The following PDE3B variants were observed in gnomAD, a reference collection of about 807,000 sequenced individuals.
PDE3B encodes phosphodiesterase 3B.
Under a neutral mutation model 116.8 loss-of-function variants are expected in PDE3B, and 66 were observed. The observed-to-expected ratio is 0.56, with a 90% CI of 0.46 to 0.69. The LOEUF is 0.69. PDE3B is among the 30% of genes least tolerant of loss of function. The pLI, the probability that PDE3B is intolerant of heterozygous loss-of-function variation, is 0.00. For synonymous variants in PDE3B, 595 were observed against 533.6 expected, an observed-to-expected ratio of 1.12 and a Z score of -1.59; for missense variants, 1,384 against 1,368.1, an observed-to-expected ratio of 1.01 and a Z score of -0.18.
rs1383510919 is a variant in PDE3B at position 14,644,140 on chromosome 11, C to T, written c.65C>T (p.Ser22Leu). 1.9e-6 allele frequency: 3 copies of T among 1,587,994 alleles called. No individual in the cohort carries two copies. The highest frequency in any genetic ancestry group is 2.6e-6 in the Non-Finnish European group (3 of 1,175,316). The change falls in exon 1 of 16, where the codon TCG (serine) becomes TTG (leucine). Residue 22 changes from serine to leucine, a missense_variant. Ser to Leu is a moderately radical substitution (Grantham distance 145, BLOSUM62 -2). Coordinates refer to ENST00000282096, the MANE Select transcript of PDE3B (RefSeq NM_000922.4). ...RSLQPPDGAG[S>L]PPESLRNGYV... ...CTGCAGCCGCCGGATGGGGCCGGCT[C>T]GCCCCCCGAGAGTCTGAGGAACGGC...
chr11:14,745,550 G>A (rs1235922617), intron 1 of PDE3B, among the ~76,000 whole-genome samples: 1 of 152,034 alleles, frequency 6.6e-6, no homozygotes, highest in African/African-American at 2.4e-5. Flanking sequence ...TAGAAGTATT[G>A]ATTTCTGCTC....
At chr11:14,780,319 T>A (rs1192741622) in intron 2 of PDE3B, among the ~76,000 whole-genome samples, 1 of 152,184 alleles carries the variant, frequency 6.6e-6, no homozygotes. Flanking sequence ...GCGAACCTAA[T>A]AGACATCTAC....
intron 12 of PDE3B, among the ~76,000 whole-genome samples, chr11:14,854,839 A>G (rs1335982827): frequency 9.9e-5 from 15 of 152,210 alleles, no homozygotes; most frequent in African/African-American, 3.6e-4. Context: ...CTATATACAC[A>G]GAAAACCAAG....
intron 1 of PDE3B, among the ~76,000 whole-genome samples, chr11:14,722,174 G>T (rs1004378871): frequency 6.6e-6 from 1 of 151,020 alleles, no homozygotes; most frequent in Admixed American, 6.6e-5. Flanking sequence ...TAGGGGGACG[G>T]GGGAGGGAAT....
chr11:14,782,873 GC>G (rs1415189925), intron 2 of PDE3B, among the ~76,000 whole-genome samples: 1 of 152,120 alleles, frequency 6.6e-6, no homozygotes, highest in Non-Finnish European at 1.5e-5. Flanking sequence ...TGACAAAAGG[GC>G]TAATATCCAG....
intron 1 of PDE3B, among the ~76,000 whole-genome samples, chr11:14,722,442 C>T (rs569318318): frequency 1.3e-4 from 20 of 152,152 alleles, no homozygotes; most frequent in Non-Finnish European, 2.5e-4. Context: ...TGTAATGAGA[C>T]ATGCCATTGA....
At chr11:14,657,096 C>A (rs1853736286) in intron 1 of PDE3B, among the ~76,000 whole-genome samples, 1 of 152,126 alleles carries the variant, frequency 6.6e-6, no homozygotes, top group African/African-American at 2.4e-5. Flanking sequence ...CTTTGGTCTT[C>A]CAGAAGAAAA....
chr11:14,736,851 G>A (rs534260116), intron 1 of PDE3B, among the ~76,000 whole-genome samples: 2 of 152,246 alleles, frequency 1.3e-5, no homozygotes, highest in Admixed American at 1.3e-4. Context: ...ATCTGAGAGA[G>A]ATAGTAGTGG....
chr11:14,769,822 C>T (rs1438000425), intron 1 of PDE3B, among the ~76,000 whole-genome samples: 69 of 146,508 alleles, frequency 4.7e-4, no homozygotes, highest in Non-Finnish European at 6.2e-4. Flanking sequence ...GCCCCAAGAA[C>T]CAGCTACCAC....
chr11:14,854,040 C>G (rs782048930), intron 12 of PDE3B, among the ~76,000 whole-genome samples: 1 of 152,184 alleles, frequency 6.6e-6, no homozygotes, highest in Non-Finnish European at 1.5e-5. Flanking sequence ...AAGTTCATTA[C>G]AACAGAGAGC....
intron 1 of PDE3B, among the ~76,000 whole-genome samples, chr11:14,768,974 A>C (rs1411023166): frequency 7.3e-5 from 11 of 151,506 alleles, no homozygotes; most frequent in Admixed American, 3.3e-4. Context: ...AATTACGCAG[A>C]AGGCAGTCTG....
In PDE3B at chr11:14,709,236, T is replaced by G. The variant is rs575253827; in HGVS notation, c.979-62701T>G. On this transcript the variant is annotated intron_variant, in intron 1 of 15. Coordinates refer to ENST00000282096, the MANE Select transcript of PDE3B (RefSeq NM_000922.4). Reference sequence around the variant, plus strand: ...GAATTCAGAATTGGAGAAGGTAAATTTAGTAGTTACCCATGTAAATGCTAC... The same window carrying G: ...GAATTCAGAATTGGAGAAGGTAAATGTAGTAGTTACCCATGTAAATGCTAC... Among the ~76,000 whole-genome samples, 3 of 152,212 alleles carry G rather than the reference T, an allele frequency of 2.0e-5. No homozygotes were observed. The East Asian group carries it at 5.8e-4, about 29-fold the overall frequency.
chr11:14,661,816 G>A (rs373680099), intron 1 of PDE3B, among the ~76,000 whole-genome samples: 2 of 152,170 alleles, frequency 1.3e-5, no homozygotes, highest in Admixed American at 6.5e-5. Context: ...GCTCGAACTG[G>A]GTGGAACCCA....
rs541104293 is a variant in PDE3B, at chr11:14,701,791, C to CT, written c.978+56749dup. On this transcript the variant is annotated intron_variant, in intron 1 of 15. Coordinates refer to ENST00000282096, the MANE Select transcript of PDE3B (RefSeq NM_000922.4). ...GTTTATTTGTGAACTAAGTAGTTCA[C>CT]TTTTTTTTTTTAAAGCATCCAGTGT... Among the ~76,000 whole-genome samples, 1,008 of 145,044 alleles carry CT rather than the reference C, an allele frequency of 6.9e-3. 4 individuals carry two copies. Among genetic ancestry groups the CT allele is most frequent in the Middle Eastern group, 0.021 (6 of 280 alleles).
At chr11:14,655,858 G>A (rs1307041909) in intron 1 of PDE3B, among the ~76,000 whole-genome samples, 1 of 152,130 alleles carries the variant, frequency 6.6e-6, no homozygotes, top group Non-Finnish European at 1.5e-5. Flanking sequence ...AGTTAGTGTG[G>A]GAATGTTACT....
intron 1 of PDE3B, among the ~76,000 whole-genome samples, chr11:14,691,208 A>G (rs1855033096): frequency 6.6e-6 from 1 of 152,188 alleles, no homozygotes; most frequent in Admixed American, 6.5e-5. Context: ...TTTTCTGCAA[A>G]TCAACATTTT....
chr11:14,750,164 A>G (rs1857020513), intron 1 of PDE3B, among the ~76,000 whole-genome samples: 1 of 151,806 alleles, frequency 6.6e-6, no homozygotes, highest in Admixed American at 6.6e-5. Flanking sequence ...CAGTAGGGAA[A>G]GCAATCTGCT....
At chr11:14,891,649 G>A in the PDE3B span, 2 of 1,152,656 alleles carry the variant, frequency 1.7e-6, no homozygotes, top group Non-Finnish European at 2.1e-6. Flanking sequence ...CGTCCACCCT[G>A]GACCTGAAGT....
chr11:14,821,324 C>G (rs1859509385), intron 7 of PDE3B, among the ~76,000 whole-genome samples: 1 of 152,100 alleles, frequency 6.6e-6, no homozygotes, highest in Non-Finnish European at 1.5e-5. Flanking sequence ...AGTCATGAGG[C>G]CTGTTGAGAT....
Sources: allele counts gnomAD v4.1 joint callset (sites outside exome capture counted in the v4.1 genomes callset), GRCh38; gene constraint gnomAD v4.1.1; transcripts MANE v1.5; gene names NCBI Gene and HGNC (gene_info 2026-07-23, HGNC 2026-07-21).